CACNA2D3: variants seen among roughly 807,000 people sequenced by gnomAD.
CACNA2D3 encodes calcium voltage-gated channel auxiliary subunit alpha2delta 3.
In CACNA2D3, 60 loss-of-function variants were observed where a neutral mutation model predicts 160.6. The observed-to-expected ratio is 0.37, with a 90% CI of 0.30 to 0.46. The LOEUF is 0.46. Among genes scored for constraint, CACNA2D3 ranks in the 20% least tolerant of loss-of-function variants. The pLI is 1.00. For synonymous variants in CACNA2D3, 558 were observed against 492.9 expected, an observed-to-expected ratio of 1.13 and a Z score of -1.75; for missense variants, 1,205 against 1,365.0, an observed-to-expected ratio of 0.88 and a Z score of 1.85.
At chr3:54,245,006 G>A (rs536224824) in intron 2 of CACNA2D3, among the ~76,000 whole-genome samples, 4 of 152,124 alleles carry the variant, frequency 2.6e-5, no homozygotes, top group Admixed American at 6.5e-5. Flanking sequence ...AGCTTAAAAC[G>A]TGTTGGGTGG....
chr3:54,794,881 C>T (rs890698835), intron 13 of CACNA2D3, among the ~76,000 whole-genome samples: 9 of 151,856 alleles, frequency 5.9e-5, no homozygotes, highest in Admixed American at 5.9e-4. Flanking sequence ...GTATTGTTTT[C>T]TTTTTGTTTA....
At chr3:54,648,805 C>T (rs1173935341) in intron 11 of CACNA2D3, among the ~76,000 whole-genome samples, 1 of 152,132 alleles carries the variant, frequency 6.6e-6, no homozygotes, top group Non-Finnish European at 1.5e-5. Context: ...GCAGGTATGT[C>T]ACATGGTGAG....
At chr3:54,168,143 T>A (rs1700493989) in intron 2 of CACNA2D3, among the ~76,000 whole-genome samples, 1 of 152,216 alleles carries the variant, frequency 6.6e-6, no homozygotes. Context: ...CTGTTCTATT[T>A]GATTCCTTGT....
chr3:54,877,989 TAAA>T (rs146803443), intron 18 of CACNA2D3, among the ~76,000 whole-genome samples: 2 of 152,202 alleles, frequency 1.3e-5, no homozygotes, highest in Non-Finnish European at 2.9e-5. Context: ...TATGTGTTGT[TAAA>T]AAAATATCTA....
intron 27 of CACNA2D3, among the ~76,000 whole-genome samples, chr3:54,962,389 C>T (rs1702051309): frequency 6.6e-6 from 1 of 152,210 alleles, no homozygotes; most frequent in African/African-American, 2.4e-5. Context: ...GATGAATTTT[C>T]TGCTCACTCT....
chr3:54,507,470 C>A (rs1428500274), intron 5 of CACNA2D3, among the ~76,000 whole-genome samples: 4 of 152,118 alleles, frequency 2.6e-5, no homozygotes, highest in Admixed American at 2.6e-4. Flanking sequence ...AGCCTTGTGC[C>A]CCCTTTACCC....
At position 55,033,822 on chromosome 3, in the gene CACNA2D3, T is replaced by TGACA. The variant is rs1559469589; in HGVS notation, c.2987+15505_2987+15506insGACA. 7.4e-3 allele frequency among the ~76,000 whole-genome samples: 780 copies of TGACA among 105,516 alleles called. 47 individuals carry two copies. The highest frequency in any genetic ancestry group is 0.025 in the African/African-American group (746 of 29,396). 69.2% of individuals were successfully genotyped at this position (105,516 alleles called of 152,430 possible). ...TATATAATATGTATTATATATTAAA[T>TGACA]ATATTTAATATATAATATATATTAC... On this transcript the variant is annotated intron_variant, in intron 35 of 37. Transcript: ENST00000474759.
At chr3:54,124,655 G>C (rs1211822797) in intron 2 of CACNA2D3, among the ~76,000 whole-genome samples, 1 of 152,216 alleles carries the variant, frequency 6.6e-6, no homozygotes, top group African/African-American at 2.4e-5. Context: ...TTTGGGGACA[G>C]TATATGAAAC....
chr3:54,485,155 G>A (rs1490010308), intron 4 of CACNA2D3, among the ~76,000 whole-genome samples: 1 of 152,124 alleles, frequency 6.6e-6, no homozygotes, highest in Non-Finnish European at 1.5e-5. Context: ...CACCTAGGTA[G>A]ATAATTTTAA....
intron 35 of CACNA2D3, among the ~76,000 whole-genome samples, chr3:55,035,130 A>G (rs1328414156): frequency 6.6e-6 from 1 of 152,198 alleles, no homozygotes; most frequent in Non-Finnish European, 1.5e-5. Context: ...TTTATTTCTC[A>G]TATTAAGGTG....
At chr3:54,256,819 C>T (rs1489580992) in intron 2 of CACNA2D3, among the ~76,000 whole-genome samples, 2 of 150,718 alleles carry the variant, frequency 1.3e-5, no homozygotes, top group African/African-American at 4.9e-5. Flanking sequence ...GTCTTCTTTC[C>T]AGTGCACTTT....
At chr3:54,460,585 T>C (rs1442368763) in intron 4 of CACNA2D3, among the ~76,000 whole-genome samples, 2 of 152,194 alleles carry the variant, frequency 1.3e-5, no homozygotes, top group Non-Finnish European at 2.9e-5. Context: ...TTGTCCATTA[T>C]TGGTGTATAA....
chr3:54,165,239 A>G (rs775370958), intron 2 of CACNA2D3, among the ~76,000 whole-genome samples: 139 of 149,108 alleles, frequency 9.3e-4, no homozygotes, highest in Middle Eastern at 3.6e-3. Context: ...AATGCCAGTT[A>G]TCCCCACCCA....
intron 27 of CACNA2D3, among the ~76,000 whole-genome samples, chr3:54,968,026 A>C (rs1392318487): frequency 6.6e-6 from 1 of 152,222 alleles, no homozygotes; most frequent in Non-Finnish European, 1.5e-5. Flanking sequence ...TTCAAATGTT[A>C]CGTCTCAAAA....
At chr3:54,663,980 C>A (rs1377157472) in intron 11 of CACNA2D3, among the ~76,000 whole-genome samples, 1 of 152,238 alleles carries the variant, frequency 6.6e-6, no homozygotes, top group Non-Finnish European at 1.5e-5. Flanking sequence ...TTAGATTTTT[C>A]CATTCCCTAA....
intron 3 of CACNA2D3, among the ~76,000 whole-genome samples, chr3:54,323,852 T>C (rs1304697750): frequency 1.3e-5 from 2 of 152,128 alleles, no homozygotes; most frequent in Non-Finnish European, 2.9e-5. Context: ...CTAGGAATCT[T>C]CCATTTCCAA....
intron 4 of CACNA2D3, among the ~76,000 whole-genome samples, chr3:54,412,561 C>CT (rs1699685569): frequency 7.0e-6 from 1 of 143,782 alleles, no homozygotes; most frequent in African/African-American, 2.6e-5. Context: ...TATGGTGTAT[C>CT]TTTTTTCTGT....
chr3:55,031,239 T>C (rs1045504278), intron 35 of CACNA2D3, among the ~76,000 whole-genome samples: 16 of 152,188 alleles, frequency 1.1e-4, no homozygotes, highest in African/African-American at 3.9e-4. Context: ...ACTCCCTCTA[T>C]CCCTACCTCA....
At chr3:54,281,217 C>CA (rs1402341479) in intron 2 of CACNA2D3, among the ~76,000 whole-genome samples, 1 of 152,192 alleles carries the variant, frequency 6.6e-6, no homozygotes, top group Non-Finnish European at 1.5e-5. Context: ...CGATGTTGAG[C>CA]AAAACAGTAT....
Sources: gnomAD v4.1 joint callset for allele counts (sites outside exome capture counted in the v4.1 genomes callset) on GRCh38, gnomAD v4.1.1 for gene constraint, MANE v1.5 for transcripts, NCBI Gene and HGNC (gene_info 2026-07-23, HGNC 2026-07-21) for gene names.